EFNA2: variants seen among roughly 807,000 people sequenced by gnomAD.
EFNA2 encodes the protein ephrin A2, also known as ephrin-A2.
A neutral mutation model predicts 19.7 loss-of-function variants in EFNA2; 18 were observed. That is an observed-to-expected ratio of 0.91 (90% CI 0.63 to 1.35). EFNA2 has a LOEUF of 1.35. Ranked by LOEUF, EFNA2 falls within the 40% of genes most tolerant of loss-of-function variation. The pLI, the probability that EFNA2 is intolerant of heterozygous loss-of-function variation, is 0.00. For missense variants in EFNA2, 303 were observed against 296.0 expected, an observed-to-expected ratio of 1.02 and a Z score of -0.17; for synonymous variants, 187 against 137.8, an observed-to-expected ratio of 1.36 and a Z score of -2.50.
At chr19:1,291,811 C>A (rs528150754) in intron 1 of EFNA2, among the ~76,000 whole-genome samples, 141 of 152,240 alleles carry the variant, frequency 9.3e-4, no homozygotes, top group Non-Finnish European at 1.8e-3. Flanking sequence ...AGGCCGCTTG[C>A]TGGAAGCTGG....
rs1230886537 is a variant in EFNA2, at chr19:1,294,082, C to T, written c.141-1463C>T. Among the ~76,000 whole-genome samples, 2 of 152,252 alleles carry T rather than the reference C, an allele frequency of 1.3e-5. No individual in the cohort carries two copies. The highest frequency in any genetic ancestry group is 2.1e-4 in the South Asian group (1 of 4,838). ...GGGCCGGGATCGTAGCAGCCTGCAC[C>T]CATGTGCTGCCAACACTGGTGGGGC... On this transcript the variant is annotated intron_variant, in intron 1 of 3. Transcript: ENST00000215368. The surrounding 1 kb of genome is among the most constrained non-coding windows in gnomAD (Gnocchi z 5.8).
Position 1,295,294 on chromosome 19 carries a change from T to C in EFNA2, c.141-251T>C, listed in dbSNP as rs1375135008. ...GTCCCTCCCCGCTCACCCTGTCCCG[T>C]GCCCTGTGCACCTGTCCCCGGAGCC... On this transcript the variant is annotated intron_variant, in intron 1 of 3. Transcript: ENST00000215368. The surrounding 1 kb of genome is among the most constrained non-coding windows in gnomAD (Gnocchi z 5.8). Among the ~76,000 whole-genome samples, 1 of 149,318 alleles carries C rather than the reference T, an allele frequency of 6.7e-6. No homozygotes were observed. Among genetic ancestry groups the C allele is most frequent in the Non-Finnish European group, 1.5e-5 (1 of 67,232 alleles).
Position 1,297,053 on chromosome 19 carries a change from C to T in EFNA2, c.454+1195C>T, listed in dbSNP as rs12461008. 2.0e-5 allele frequency among the ~76,000 whole-genome samples: 3 copies of T among 152,230 alleles called. No homozygotes were observed. ...GGGGAATGAGGGGCCAGGCACTGCC[C>T]ACCTGAGATGGGGATGATGGCATCA... is the stretch of plus-strand genomic sequence containing the variant. On this transcript the variant is annotated intron_variant, in intron 2 of 3. Transcript: ENST00000215368. The surrounding 1 kb of genome is among the most constrained non-coding windows in gnomAD (Gnocchi z 5.0).
intron 1 of EFNA2, among the ~76,000 whole-genome samples, chr19:1,293,999 C>T (rs369649374): frequency 1.5e-4 from 23 of 152,356 alleles, no homozygotes; most frequent in East Asian, 3.9e-4. Flanking sequence ...GGGCCTGCGG[C>T]GGGCTCACCC....
In EFNA2 at chr19:1,299,860, C is replaced by T; in HGVS notation, c.557C>T (p.Thr186Ile). Residue 186 changes from threonine (T) to isoleucine (I), a missense_variant, in exon 4 of 4, where the codon ACC becomes ATC. Coordinates refer to ENST00000215368, the MANE Select transcript of EFNA2 (RefSeq NM_001405.4). ...TACGAGGCTCCTGAGCCCATCTTCA[C>T]CAGCAATAACTCGTGTAGCAGCCCG... ...TLYEAPEPIF[T>I]SNNSCSSPGG... is the part of the protein sequence containing the mutation. 1.2e-6 allele frequency: 2 copies of T among 1,605,070 alleles called. No individual in the cohort carries two copies. Among genetic ancestry groups the T allele is most frequent in the Non-Finnish European group, 8.5e-7 (1 of 1,178,138 alleles).
In EFNA2 at chr19:1,300,631, G is replaced by T. The variant is rs2081538332; in HGVS notation, c.*686G>T. ...CTCCAGGTTGGGTGAGTCTGAGCCG[G>T]AAGGGGTACGTGGTGGGCGCCCCTC... On this transcript the variant is annotated 3_prime_UTR_variant, in exon 4 of 4. Transcript: ENST00000215368. Among the ~76,000 whole-genome samples, 1 of 152,148 alleles carries T rather than the reference G, an allele frequency of 6.6e-6. No individual in the cohort carries two copies. The highest frequency in any genetic ancestry group is 2.1e-4 in the South Asian group (1 of 4,828).
At chr19:1,291,130 G>A (rs751383964) in intron 1 of EFNA2, among the ~76,000 whole-genome samples, 3 of 152,314 alleles carry the variant, frequency 2.0e-5, no homozygotes, top group Admixed American at 6.5e-5. Context: ...GGGCCGGCCC[G>A]GGGGAAGCCA....
chr19:1,291,529 G>T (rs943229482), intron 1 of EFNA2, among the ~76,000 whole-genome samples: 1 of 152,006 alleles, frequency 6.6e-6, no homozygotes, highest in South Asian at 2.1e-4. Flanking sequence ...TCAGCCCCAC[G>T]CTGGGCTTCA....
Position 1,300,957 on chromosome 19 carries a change from G to T in EFNA2, c.*1012G>T, listed in dbSNP as rs961321793. On this transcript the variant is annotated 3_prime_UTR_variant, in exon 4 of 4. Coordinates refer to ENST00000215368, the MANE Select transcript of EFNA2 (RefSeq NM_001405.4). ...ATGTTTTTTCAGCCCTTCATAGGGG[G>T]TCTTTTATTTTGGTGGGGGGGTGGG... 6.7e-6 allele frequency among the ~76,000 whole-genome samples: 1 copy of T among 149,914 alleles called. No individual in the cohort carries two copies. Among genetic ancestry groups the T allele is most frequent in the African/African-American group, 2.5e-5 (1 of 39,900 alleles).
chr19:1,291,254 C>G (rs535253864), intron 1 of EFNA2, among the ~76,000 whole-genome samples: 29 of 152,304 alleles, frequency 1.9e-4, no homozygotes, highest in Non-Finnish European at 3.2e-4. Flanking sequence ...CCTGCCCGGC[C>G]CATCTTTTTC....
In EFNA2 at chr19:1,287,451, G is replaced by A. The variant is rs1600054025; in HGVS notation, c.140+1143G>A. Among the ~76,000 whole-genome samples the A allele has an allele frequency of 6.6e-6, 1 of 152,156 alleles. No individual in the cohort carries two copies. The highest frequency in any genetic ancestry group is 1.9e-4 in the East Asian group (1 of 5,190). On this transcript the variant is annotated intron_variant, in intron 1 of 3. Coordinates refer to ENST00000215368, the MANE Select transcript of EFNA2 (RefSeq NM_001405.4). This position sits in a 1 kb window ranked among gnomAD's most constrained non-coding sequence, Gnocchi z 6.2. ...AGCCGCTTCCTGTGCCGACCGAGCCGCCCTCTGGAGCCCGCCACCCCTCCT... is the reference window on the plus strand; with the variant it reads ...AGCCGCTTCCTGTGCCGACCGAGCCACCCTCTGGAGCCCGCCACCCCTCCT...
chr19:1,289,229 C>T (rs983596186), intron 1 of EFNA2, among the ~76,000 whole-genome samples: 13 of 152,246 alleles, frequency 8.5e-5, no homozygotes, highest in African/African-American at 1.9e-4. Context: ...TGTGTCTGTG[C>T]GTGGCACCCG....
upstream of EFNA2, among the ~76,000 whole-genome samples, chr19:1,284,281 C>T (rs576007905): frequency 6.6e-6 from 1 of 152,330 alleles, no homozygotes; most frequent in Admixed American, 6.5e-5. This position sits in a 1 kb window ranked among gnomAD's most constrained non-coding sequence, Gnocchi z 5.3. Flanking sequence ...TCCAGAGGGC[C>T]TGCCTCAGCC....
Position 1,296,309 on chromosome 19 carries a change from G to A in EFNA2, c.454+451G>A, listed in dbSNP as rs979648141. 1.7e-4 allele frequency among the ~76,000 whole-genome samples: 26 copies of A among 152,156 alleles called. No homozygotes were observed. The highest frequency in any genetic ancestry group is 3.4e-4 in the Non-Finnish European group (23 of 68,014). On this transcript the variant is annotated intron_variant, in intron 2 of 3. Transcript: ENST00000215368. This position sits in a 1 kb window ranked among gnomAD's most constrained non-coding sequence, Gnocchi z 4.4. ...CTCAGCCCCCCGATAGCGAGACCAG[G>A]GTGCCCGAGCCCCAGCACACTGATG... is the stretch of plus-strand genomic sequence containing the variant.
chr19:1,287,819 T>C lies in EFNA2; in HGVS notation c.140+1511T>C, dbSNP rs1031140259. Among the ~76,000 whole-genome samples, 1 of 152,208 alleles carries C rather than the reference T, an allele frequency of 6.6e-6. No homozygotes were observed. The highest frequency in any genetic ancestry group is 1.5e-5 in the Non-Finnish European group (1 of 68,026). ...CAAGTTTTTGGTTTCAGCTGCGGAA[T>C]CTCCCGTCCCCAGCGTGGCCTGTCC... On this transcript the variant is annotated intron_variant, in intron 1 of 3. Coordinates refer to ENST00000215368, the MANE Select transcript of EFNA2 (RefSeq NM_001405.4). This position sits in a 1 kb window ranked among gnomAD's most constrained non-coding sequence, Gnocchi z 6.2.
chr19:1,299,739 G>T, intron 3 of EFNA2, 85 bp from the exon 4 acceptor site: 3 of 1,488,640 alleles, frequency 2.0e-6, no homozygotes, highest in Non-Finnish European at 2.7e-6. Flanking sequence ...CCGTTGGGCA[G>T]ATGTGCACCC....
At chr19:1,290,380 C>A (rs556229795) in intron 1 of EFNA2, among the ~76,000 whole-genome samples, 1 of 152,230 alleles carries the variant, frequency 6.6e-6, no homozygotes, top group East Asian at 1.9e-4. Context: ...CCCTGGGCGG[C>A]CTCAGTTTGC....
At position 1,296,849 on chromosome 19, in the gene EFNA2, G is replaced by C. The variant is rs1306690346; in HGVS notation, c.454+991G>C. 6.6e-6 allele frequency among the ~76,000 whole-genome samples: 1 copy of C among 152,220 alleles called. No homozygotes were observed. The highest frequency in any genetic ancestry group is 1.5e-5 in the Non-Finnish European group (1 of 68,030). ...GCCTTGGGGATAGTCACATCTGCAG[G>C]ACCCCATGGTGGGCCAGGCTGGGTG... On this transcript the variant is annotated intron_variant, in intron 2 of 3. Coordinates refer to ENST00000215368, the MANE Select transcript of EFNA2 (RefSeq NM_001405.4). This position sits in a 1 kb window ranked among gnomAD's most constrained non-coding sequence, Gnocchi z 4.4.
rs2081519076 is a variant in EFNA2 at position 1,297,035 on chromosome 19, G to A, written c.454+1177G>A. The stretch of plus-strand genomic sequence containing the variant: ...ATATCTGTGACCTTGGCGGGGGAAT[G>A]AGGGGCCAGGCACTGCCCACCTGAG... On this transcript the variant is annotated intron_variant, in intron 2 of 3. Transcript: ENST00000215368. This position sits in a 1 kb window ranked among gnomAD's most constrained non-coding sequence, Gnocchi z 5.0. Among the ~76,000 whole-genome samples, 1 of 152,270 alleles carries A rather than the reference G, an allele frequency of 6.6e-6. No individual in the cohort carries two copies. The highest frequency in any genetic ancestry group is 1.5e-5 in the Non-Finnish European group (1 of 68,044).
Sources: allele counts gnomAD v4.1 joint callset (sites outside exome capture counted in the v4.1 genomes callset), GRCh38; gene constraint gnomAD v4.1.1; non-coding constraint Gnocchi (gnomAD v3.1); transcripts MANE v1.5; gene names NCBI Gene and HGNC (gene_info 2026-07-23, HGNC 2026-07-21).